The following MYO5A variants were observed in gnomAD, a reference collection of about 807,000 sequenced individuals.
The protein encoded by MYO5A is myosin VA, also known as unconventional myosin-Va.
MYO5A carries 98 observed loss-of-function variants against 249.7 expected under a neutral mutation model. The observed-to-expected ratio is 0.39, with a 90% CI of 0.33 to 0.46. The LOEUF (loss-of-function observed/expected upper bound fraction) is 0.46, where lower values mean the gene tolerates loss of function less well. Among genes scored for constraint, MYO5A ranks in the 20% least tolerant of loss-of-function variants. The probability of loss-of-function intolerance (pLI) is 0.98; values close to 1 mark genes in which losing one functional copy is unlikely to be tolerated. For missense variants in MYO5A, 1,696 were observed against 2,308.8 expected (o/e 0.73, Z 5.44); for synonymous variants, 778 against 810.6 (o/e 0.96, Z 0.68).
intron 1 of MYO5A, among the ~76,000 whole-genome samples, chr15:52,449,507 G>T (rs1259178741): frequency 6.6e-6 from 1 of 151,958 alleles, no homozygotes; most frequent in African/African-American, 2.4e-5. Context: ...ATTCTTTAAG[G>T]GCTCACCTTT....
intron 22 of MYO5A, among the ~76,000 whole-genome samples, chr15:52,369,794 T>C (rs1173921026): frequency 6.6e-6 from 1 of 151,714 alleles, no homozygotes; most frequent in Non-Finnish European, 1.5e-5. Flanking sequence ...TTAATCACAT[T>C]AACCCTACTG....
At chr15:52,505,328 C>A in intron 1 of MYO5A, 2 of 777,606 alleles carry the variant, frequency 2.6e-6, no homozygotes, top group Non-Finnish European at 4.8e-6. Flanking sequence ...CCACTGCCTG[C>A]CGACTTGTGT....
chr15:52,332,101 T>C (rs1427933020), intron 34 of MYO5A, among the ~76,000 whole-genome samples: 1 of 152,118 alleles, frequency 6.6e-6, no homozygotes, highest in Non-Finnish European at 1.5e-5. Flanking sequence ...AAAACAAAAT[T>C]ATAAAACCCC....
Position 52,376,402 on chromosome 15 carries a change from T to C in MYO5A, c.2365A>G (p.Met789Val), listed in dbSNP as rs373473099. The C allele has an allele frequency of 3.7e-6, 6 of 1,614,048 alleles. No individual in the cohort carries two copies. Among genetic ancestry groups the C allele is most frequent in the Non-Finnish European group, 4.2e-6 (5 of 1,180,038 alleles). ...GWLLRKKYLR[M>V]RKAAITMQRY... The stretch of plus-strand genomic sequence containing the variant: ...TGCATGGTGATGGCTGCCTTCCGCA[T>C]GCGTAGGTACTTCTTTCTCAGCAGC... The change falls in exon 19 of 42, where the codon ATG becomes GTG. Residue 789 changes from methionine (M) to valine (V), a missense_variant. Around this residue, in one of 5 missense-constraint regions of MYO5A, gnomAD observed 412 missense variants for 453.3 expected, o/e 0.91. Transcript: ENST00000399233.
intron 4 of MYO5A, among the ~76,000 whole-genome samples, chr15:52,419,092 G>A (rs1041069982): frequency 6.6e-6 from 1 of 152,114 alleles, no homozygotes; most frequent in African/African-American, 2.4e-5. Context: ...TGTATAACAC[G>A]ATTTAATATC....
intron 20 of MYO5A, among the ~76,000 whole-genome samples, chr15:52,374,803 T>A (rs1485410053): frequency 6.6e-6 from 1 of 152,254 alleles, no homozygotes; most frequent in Non-Finnish European, 1.5e-5. Context: ...TCTCCAGAAC[T>A]CTGAGAGAAT....
chr15:52,510,637 G>A lies in MYO5A; in HGVS notation c.27+18143C>T, dbSNP rs559345004. The stretch of plus-strand genomic sequence containing the variant: ...GAACCCTATTATGAACTGCACAGGC[G>A]AAGGATCTAGGTTGCATGCTTCTCA... On this transcript the variant is annotated intron_variant, in intron 1 of 41. Transcript: ENST00000399233. Among the ~76,000 whole-genome samples, 37 of 152,306 alleles carry A rather than the reference G, an allele frequency of 2.4e-4. 1 individual carries two copies. The South Asian group carries it at 4.6e-3, about 19-fold the overall frequency.
rs557727582 is a variant in MYO5A, at chr15:52,351,249, C to G, written c.3849+5G>C. 9 of 1,613,416 alleles carry G rather than the reference C, an allele frequency of 5.6e-6. No individual in the cohort carries two copies. In the African/African-American group the frequency reaches 1.2e-4, roughly 21 times the overall value. On this transcript the variant is annotated splice_donor_5th_base_variant and intron_variant, in intron 28 of 41. Transcript: ENST00000399233. Reference sequence around the variant, plus strand: ...CACCCAGTTTAATTGTGTGCTTGCGCTTACCTTGGGTTGGATGGCCTCTTT... The same window carrying G: ...CACCCAGTTTAATTGTGTGCTTGCGGTTACCTTGGGTTGGATGGCCTCTTT...
At chr15:52,464,860 TATG>T (rs2076322017) in intron 1 of MYO5A, among the ~76,000 whole-genome samples, 1 of 152,228 alleles carries the variant, frequency 6.6e-6, no homozygotes, top group Non-Finnish European at 1.5e-5. Context: ...AACTCCTGCT[TATG>T]ATTAGTCGTT....
chr15:52,354,879 T>C (rs2141030112), intron 25 of MYO5A, among the ~76,000 whole-genome samples: 1 of 151,406 alleles, frequency 6.6e-6, no homozygotes, highest in East Asian at 1.9e-4. Flanking sequence ...AAGAATGAAG[T>C]ATATCAACAT....
At chr15:52,416,017 A>G in intron 5 of MYO5A, 128 bp downstream of exon 5, 1 of 1,133,766 alleles carries the variant, frequency 8.8e-7, no homozygotes. Flanking sequence ...AAACATGTAG[A>G]AAAGCATTTT....
intron 4 of MYO5A, among the ~76,000 whole-genome samples, chr15:52,423,806 C>T (rs912161459): frequency 3.9e-5 from 6 of 151,974 alleles, no homozygotes; most frequent in South Asian, 2.1e-4. Context: ...GACTGAGTCA[C>T]AACAGATAAT....
intron 4 of MYO5A, among the ~76,000 whole-genome samples, chr15:52,420,461 T>C (rs150424317): frequency 2.8e-4 from 43 of 152,146 alleles, no homozygotes; most frequent in African/African-American, 9.9e-4. Flanking sequence ...ACATGCTCTC[T>C]TCCCTTCCAC....
At chr15:52,364,126 T>C (rs1358428071) in intron 24 of MYO5A, among the ~76,000 whole-genome samples, 1 of 151,828 alleles carries the variant, frequency 6.6e-6, no homozygotes. Flanking sequence ...TAGTCCCAGC[T>C]ACTCGGGAGG....
At chr15:52,478,524 G>A (rs1318657091) in intron 1 of MYO5A, among the ~76,000 whole-genome samples, 1 of 152,152 alleles carries the variant, frequency 6.6e-6, no homozygotes, top group African/African-American at 2.4e-5. Flanking sequence ...GCTATAGGCT[G>A]GAGCTGTTCC....
At position 52,481,708 on chromosome 15, in the gene MYO5A, T is replaced by C. The variant is rs78186789; in HGVS notation, c.27+47072A>G. Among the ~76,000 whole-genome samples the C allele has an allele frequency of 4.4e-3, 675 of 152,246 alleles. 7 individuals carry two copies. The highest frequency in any genetic ancestry group is 0.016 in the African/African-American group (647 of 41,536). On this transcript the variant is annotated intron_variant, in intron 1 of 41. Coordinates refer to ENST00000399233, the MANE Select transcript of MYO5A (RefSeq NM_001382347.1). ...CCAGACATGAATGAAGACATAAAGA[T>C]GTGGAACAGGATAAAATACACATGA...
intron 1 of MYO5A, among the ~76,000 whole-genome samples, chr15:52,507,167 A>C (rs7342673): frequency 0.062 from 9,435 of 152,262 alleles, 872 homozygotes; most frequent in African/African-American, 0.2. Context: ...CTATAACAGA[A>C]GGAGAAATGG....
At chr15:52,341,070 A>G (rs114161170) in intron 31 of MYO5A, among the ~76,000 whole-genome samples, 1 of 152,270 alleles carries the variant, frequency 6.6e-6, no homozygotes, top group Non-Finnish European at 1.5e-5. Context: ...ATTGGCAAAG[A>G]CAGTACACCT....
At chr15:52,423,549 C>T (rs1201601395) in intron 4 of MYO5A, among the ~76,000 whole-genome samples, 2 of 89,160 alleles carry the variant, frequency 2.2e-5, no homozygotes, top group African/African-American at 1.0e-4. Context: ...AAGACTCCGT[C>T]TTAAAAAAAA....
Sources: gnomAD v4.1 joint callset for allele counts (sites outside exome capture counted in the v4.1 genomes callset) on GRCh38, gnomAD v4.1.1 for gene constraint, gnomAD v4.1.1 regional missense constraint, MANE v1.5 for transcripts, NCBI Gene and HGNC (gene_info 2026-07-23, HGNC 2026-07-21) for gene names.